Variants in GPATCH8 observed in about 807,000 individuals in gnomAD.
The protein encoded by GPATCH8 is G patch domain-containing protein 8.
Under a neutral mutation model 118.3 loss-of-function variants are expected in GPATCH8, and 18 were observed. That is an observed-to-expected ratio of 0.15 (90% CI 0.11 to 0.23). GPATCH8 has a LOEUF of 0.23. GPATCH8 is among the 10% of genes least tolerant of loss of function. GPATCH8 has a pLI of 1.00. For missense variants in GPATCH8, 1,631 were observed against 1,873.8 expected (o/e 0.87, Z 2.39); for synonymous variants, 659 against 684.7 (o/e 0.96, Z 0.59).
chr17:44,477,610 A>C (rs567062867), intron 1 of GPATCH8, among the ~76,000 whole-genome samples: 86 of 152,158 alleles, frequency 5.7e-4, no homozygotes, highest in Non-Finnish European at 5.1e-4. Context: ...AATAATAAAA[A>C]TAAAATTGTA....
chr17:44,436,811 T>C, intron 3 of GPATCH8: 1 of 488,098 alleles, frequency 2.0e-6, no homozygotes, highest in South Asian at 2.3e-5. Context: ...TGCAAAGCAC[T>C]TTTAAGCAAT....
chr17:44,397,891 G>A lies in GPATCH8; in HGVS notation c.4186C>T (p.His1396Tyr), dbSNP rs776137748. The A allele has an allele frequency of 6.2e-7, 1 of 1,610,972 alleles. No homozygotes were observed. The highest frequency in any genetic ancestry group is 2.2e-5 in the East Asian group (1 of 44,856). Reference sequence around the variant, plus strand: ...TGGGCAAGTGGTTGGGGATGGGGGTGAGGGTGAATGCCGATGGCGGCAGCA... The same window carrying A: ...TGGGCAAGTGGTTGGGGATGGGGGTAAGGGTGAATGCCGATGGCGGCAGCA... Reference protein sequence around the residue: ...AAAAAIGIHPHPHPQPLAQVH... With the variant: ...AAAAAIGIHPYPHPQPLAQVH... Residue 1396 changes from histidine to tyrosine, a missense_variant, in exon 8 of 8, where the codon CAC (histidine) becomes TAC (tyrosine). Physicochemically the swap from His to Tyr is moderately conservative, Grantham distance 83 (BLOSUM62 2). This residue lies in a region of GPATCH8 where 111 missense variants were observed against 112.4 expected (regional missense o/e 0.99). Transcript: ENST00000591680.
At position 44,459,457 on chromosome 17, in the gene GPATCH8, A is replaced by T. The variant is rs566711874; in HGVS notation, c.193+5015T>A. Among the ~76,000 whole-genome samples the T allele has an allele frequency of 6.7e-4, 102 of 152,310 alleles. 1 individual carries two copies. Among genetic ancestry groups the T allele is most frequent in the African/African-American group, 2.4e-3 (101 of 41,572 alleles). ...CATTTATTGCTGAGGAAAATAATTC[A>T]GTAATGGTACCTTGTCCCTTCACTT... On this transcript the variant is annotated intron_variant, in intron 3 of 7. Coordinates refer to ENST00000591680, the MANE Select transcript of GPATCH8 (RefSeq NM_001002909.4).
chr17:44,422,192 G>GT (rs1479047457), intron 6 of GPATCH8, among the ~76,000 whole-genome samples: 1 of 151,662 alleles, frequency 6.6e-6, no homozygotes, highest in Non-Finnish European at 1.5e-5. Flanking sequence ...TATTTGTTTT[G>GT]TTTTTTTGAG....
intron 3 of GPATCH8, among the ~76,000 whole-genome samples, chr17:44,453,500 G>GGTGTGTGT (rs56962134): frequency 2.1e-4 from 30 of 142,752 alleles, no homozygotes; most frequent in African/African-American, 5.4e-4. Context: ...GGTAGGTAGG[G>GGTGTGTGT]GTGTGTGTGT....
At chr17:44,431,798 C>T (rs188051009) in intron 5 of GPATCH8, among the ~76,000 whole-genome samples, 4 of 151,744 alleles carry the variant, frequency 2.6e-5, no homozygotes, top group East Asian at 1.9e-4. Flanking sequence ...TGGTGGTGCA[C>T]GCCTATAGTC....
At chr17:44,403,687 CTCTCT>C (rs1321357535) in intron 7 of GPATCH8, among the ~76,000 whole-genome samples, 1 of 125,354 alleles carries the variant, frequency 8.0e-6, no homozygotes, top group African/African-American at 2.9e-5. Flanking sequence ...AATATGTAAT[CTCTCT>C]TTTTTTTTTT....
At chr17:44,479,924 G>T (rs898366933) in intron 1 of GPATCH8, among the ~76,000 whole-genome samples, 1 of 150,196 alleles carries the variant, frequency 6.7e-6, no homozygotes, top group African/African-American at 2.5e-5. Context: ...CCGAGACTGC[G>T]CCACTGCACT....
At chr17:44,429,685 CAAAACAACAA>C (rs2050227552) in intron 5 of GPATCH8, among the ~76,000 whole-genome samples, 1 of 141,524 alleles carries the variant, frequency 7.1e-6, no homozygotes, top group Non-Finnish European at 1.5e-5. Context: ...CACACACACA[CAAAACAACAA>C]ACAAACAAAC....
intron 2 of GPATCH8, among the ~76,000 whole-genome samples, chr17:44,472,512 C>T (rs9899573): frequency 0.41 from 61,966 of 151,856 alleles, 13,831 homozygotes; most frequent in Middle Eastern, 0.52. Context: ...TGTTAAGTAT[C>T]GTAATAATGA....
In GPATCH8 at chr17:44,401,096, G is replaced by A. The variant is rs2049003494; in HGVS notation, c.981C>T (p.Thr327=). 6.2e-7 allele frequency: 1 copy of A among 1,614,090 alleles called. No homozygotes were observed. The highest frequency in any genetic ancestry group is 1.1e-5 in the South Asian group (1 of 91,074). The change falls in exon 8 of 8, where the codon ACC becomes ACT. Residue 327 remains threonine (T), a synonymous_variant. Coordinates refer to ENST00000591680, the MANE Select transcript of GPATCH8 (RefSeq NM_001002909.4). ...CATCGGGTTTTGTTCCATCTTCAGA[G>A]GTCCCTTCCTCCGCATGGTCCTTGA... The part of the protein sequence containing the change: ...SVFKDHAEEG[T]SEDGTKPDEK...
At chr17:44,458,082 C>A (rs1479103194) in intron 3 of GPATCH8, among the ~76,000 whole-genome samples, 2 of 148,936 alleles carry the variant, frequency 1.3e-5, no homozygotes, top group Non-Finnish European at 3.0e-5. Context: ...GAGCGAGACT[C>A]CATTTCAAAA....
At chr17:44,476,644 A>T (rs781612004) in intron 1 of GPATCH8, among the ~76,000 whole-genome samples, 1 of 152,248 alleles carries the variant, frequency 6.6e-6, no homozygotes, top group East Asian at 1.9e-4. Context: ...CTGCTAAGAC[A>T]TTAAACTTTA....
intron 3 of GPATCH8, among the ~76,000 whole-genome samples, chr17:44,464,244 T>A (rs1241141561): frequency 6.6e-6 from 1 of 152,170 alleles, no homozygotes; most frequent in Non-Finnish European, 1.5e-5. Flanking sequence ...TATGTTTGAC[T>A]TGAAAGTTTC....
At chr17:44,412,143 A>C (rs1389720065) in intron 6 of GPATCH8, among the ~76,000 whole-genome samples, 1 of 152,066 alleles carries the variant, frequency 6.6e-6, no homozygotes, top group Non-Finnish European at 1.5e-5. Flanking sequence ...GGATGGTCTC[A>C]AACTCCTGAC....
chr17:44,477,279 G>A (rs1167049283), intron 1 of GPATCH8, among the ~76,000 whole-genome samples: 1 of 152,126 alleles, frequency 6.6e-6, no homozygotes, highest in Non-Finnish European at 1.5e-5. Flanking sequence ...CTAATAACAT[G>A]GCAACCAAAC....
At chr17:44,401,711 A>T (rs1010611473) in intron 7 of GPATCH8, among the ~76,000 whole-genome samples, 2 of 152,142 alleles carry the variant, frequency 1.3e-5, no homozygotes, top group Non-Finnish European at 2.9e-5. Flanking sequence ...TAAGCTGTCT[A>T]AAGTACAAAA....
intron 1 of GPATCH8, among the ~76,000 whole-genome samples, chr17:44,490,040 C>T (rs1308396850): frequency 6.6e-6 from 1 of 152,116 alleles, no homozygotes; most frequent in Non-Finnish European, 1.5e-5. Context: ...CAGTGGCTCA[C>T]ACCTATAATC....
Position 44,400,094 on chromosome 17 carries a change from G to A in GPATCH8, c.1983C>T (p.Ser661=), listed in dbSNP as rs370304607. The change falls in exon 8 of 8, where the codon AGC becomes AGT. Residue 661 remains serine, a synonymous_variant. Transcript: ENST00000591680. ...HGSETEDTGR[S]LPSKKERSGK... is the part of the protein sequence containing the mutation. ...CAGATCGTTCTTTCTTGCTGGGAAG[G>A]CTTCTCCCTGTGTCTTCTGTCTCAG... The A allele has an allele frequency of 1.0e-4, 167 of 1,613,708 alleles. No homozygotes were observed. Among genetic ancestry groups the A allele is most frequent in the Non-Finnish European group, 1.4e-4 (162 of 1,180,012 alleles).
Sources: allele counts gnomAD v4.1 joint callset (sites outside exome capture counted in the v4.1 genomes callset), GRCh38; gene constraint gnomAD v4.1.1; regional missense constraint gnomAD v4.1.1; transcripts MANE v1.5; gene names NCBI Gene and HGNC (gene_info 2026-07-23, HGNC 2026-07-21).